TPH2: variants seen among roughly 807,000 people sequenced by gnomAD.
The protein encoded by TPH2 is tryptophan hydroxylase 2.
A neutral mutation model predicts 59.1 loss-of-function variants in TPH2; 27 were observed. The observed-to-expected ratio is 0.46, with a 90% confidence interval of 0.34 to 0.63. The LOEUF is 0.63. Among genes scored for constraint, TPH2 ranks in the 30% least tolerant of loss-of-function variants. TPH2 has a pLI of 0.01. For synonymous variants in TPH2, 220 were observed against 210.5 expected (o/e 1.05, Z -0.39); for missense variants, 523 against 588.3 (o/e 0.89, Z 1.15).
chr12:72,021,177 C>G (rs1191769626), intron 8 of TPH2, among the ~76,000 whole-genome samples: 1 of 151,930 alleles, frequency 6.6e-6, no homozygotes, highest in Non-Finnish European at 1.5e-5. Context: ...AAAAATAGTG[C>G]GAGTTCAGCC....
intron 8 of TPH2, among the ~76,000 whole-genome samples, chr12:72,021,090 C>G (rs115948281): frequency 0.021 from 3,195 of 152,262 alleles, 133 homozygotes; most frequent in African/African-American, 0.073. Flanking sequence ...AGTGCTCTAT[C>G]ATCATTAATG....
chr12:71,944,483 G>C lies in TPH2; in HGVS notation c.439+6G>C, dbSNP rs760814420. 1.9e-5 allele frequency: 31 copies of C among 1,613,800 alleles called. No individual in the cohort carries two copies. Among genetic ancestry groups the C allele is most frequent in the Non-Finnish European group, 2.5e-5 (29 of 1,179,876 alleles). ...CATTTGGACAGAGGAAGAAGGCAAG[G>C]GTGGTCTTAGCTTGTCGGGTAACTT... On this transcript the variant is annotated splice_donor_region_variant and intron_variant, in intron 3 of 10. Coordinates refer to ENST00000333850, the MANE Select transcript of TPH2 (RefSeq NM_173353.4).
At chr12:72,018,261 G>C (rs1050588815) in intron 8 of TPH2, among the ~76,000 whole-genome samples, 1 of 152,202 alleles carries the variant, frequency 6.6e-6, no homozygotes, top group Non-Finnish European at 1.5e-5. Flanking sequence ...GGGCCAGAGA[G>C]CATTCTAAGT....
chr12:71,986,165 T>G (rs565389799), intron 7 of TPH2, among the ~76,000 whole-genome samples: 1 of 152,328 alleles, frequency 6.6e-6, no homozygotes, highest in African/African-American at 2.4e-5. Context: ...CCAGTATGAC[T>G]GTCGGCAAGC....
intron 9 of TPH2, among the ~76,000 whole-genome samples, chr12:72,027,312 T>C (rs574764125): frequency 6.6e-6 from 1 of 152,172 alleles, no homozygotes; most frequent in Non-Finnish European, 1.5e-5. Context: ...AAAGTGTGAC[T>C]GAACACATAT....
At chr12:71,961,811 A>C (rs1349399565) in intron 5 of TPH2, 1 of 1,188,252 alleles carries the variant, frequency 8.4e-7, no homozygotes, top group African/African-American at 1.6e-5. Flanking sequence ...ACAAATAAAA[A>C]CAAATAATTT....
intron 6 of TPH2, among the ~76,000 whole-genome samples, chr12:71,973,696 GACTC>G (rs1378104840): frequency 6.6e-6 from 1 of 152,076 alleles, no homozygotes; most frequent in African/African-American, 2.4e-5. Context: ...TCACTTTACG[GACTC>G]ACTCACTTTG....
chr12:71,975,144 C>A (rs918828528), intron 6 of TPH2, among the ~76,000 whole-genome samples: 1 of 152,068 alleles, frequency 6.6e-6, no homozygotes, highest in East Asian at 1.9e-4. Context: ...GTCAGGAGTT[C>A]GAGACCAGCC....
intron 5 of TPH2, among the ~76,000 whole-genome samples, chr12:71,966,364 A>G (rs1014741593): frequency 6.6e-6 from 1 of 152,208 alleles, no homozygotes; most frequent in Non-Finnish European, 1.5e-5. Flanking sequence ...TTATACTTTA[A>G]GTTCTGAGAT....
chr12:71,960,424 A>G (rs1299324356), intron 5 of TPH2, among the ~76,000 whole-genome samples: 1 of 152,236 alleles, frequency 6.6e-6, no homozygotes, highest in Non-Finnish European at 1.5e-5. Flanking sequence ...TGTATTTGAA[A>G]TGCACAGTTC....
rs774894224 is a variant in TPH2, at chr12:71,944,462, T to C, written c.424T>C (p.Trp142Arg). ...GACGCTGAATCCTCCAGAGAACATTTGGACAGAGGAAGAAGGCAAGGGTGG... is the reference window on the plus strand; with the variant it reads ...GACGCTGAATCCTCCAGAGAACATTCGGACAGAGGAAGAAGGCAAGGGTGG... ...IVTLNPPENI[W>R]TEEEELEDVP... is the part of the protein sequence containing the mutation. The change falls in exon 3 of 11, where the codon TGG (tryptophan) becomes CGG (arginine). Residue 142 changes from tryptophan to arginine, a missense_variant. Transcript: ENST00000333850. 6.2e-7 allele frequency: 1 copy of C among 1,613,986 alleles called. No individual in the cohort carries two copies. The highest frequency in any genetic ancestry group is 8.5e-7 in the Non-Finnish European group (1 of 1,179,878).
At chr12:71,981,338 G>A (rs1482317749) in intron 7 of TPH2, among the ~76,000 whole-genome samples, 1 of 152,212 alleles carries the variant, frequency 6.6e-6, no homozygotes, top group Non-Finnish European at 1.5e-5. Flanking sequence ...TTTGGACTTA[G>A]TTCTGTAGGC....
intron 2 of TPH2, 128 bp downstream of exon 2, chr12:71,941,861 C>T: frequency 9.6e-7 from 1 of 1,036,884 alleles, no homozygotes; most frequent in Non-Finnish European, 1.5e-6. Context: ...AGGAACCAAA[C>T]TTCGTGAGGC....
At chr12:72,028,612 A>C (rs1873632806) in intron 9 of TPH2, among the ~76,000 whole-genome samples, 1 of 152,232 alleles carries the variant, frequency 6.6e-6, no homozygotes, top group Non-Finnish European at 1.5e-5. Context: ...TGTTGGCTTC[A>C]TTCACTGGCT....
chr12:72,019,024 CTTTA>C (rs1165695966), intron 8 of TPH2, among the ~76,000 whole-genome samples: 3 of 152,152 alleles, frequency 2.0e-5, no homozygotes, highest in Non-Finnish European at 2.9e-5. Context: ...AGCCTTTGTG[CTTTA>C]TTCTATGACT....
intron 5 of TPH2, among the ~76,000 whole-genome samples, chr12:71,950,788 G>A (rs1313072877): frequency 6.6e-6 from 1 of 152,134 alleles, no homozygotes; most frequent in Admixed American, 6.5e-5. Flanking sequence ...AACATTACGT[G>A]TGTTATAGAG....
intron 8 of TPH2, among the ~76,000 whole-genome samples, chr12:72,016,886 A>G (rs1004501310): frequency 6.6e-6 from 1 of 152,148 alleles, no homozygotes; most frequent in Non-Finnish European, 1.5e-5. Context: ...TAATTTATGA[A>G]CATTCAAGGA....
chr12:71,983,554 T>A (rs531909158), intron 7 of TPH2, among the ~76,000 whole-genome samples: 17 of 152,194 alleles, frequency 1.1e-4, no homozygotes, highest in African/African-American at 3.6e-4. Flanking sequence ...ATCTCCCTGA[T>A]CTCCTTTTTG....
Position 72,031,633 on chromosome 12 carries a change from C to T in TPH2, c.1411C>T (p.Arg471Cys), listed in dbSNP as rs150148746. The change falls in exon 11 of 11, where the codon CGC becomes TGC. Residue 471 changes from arginine (R) to cysteine (C), a missense_variant. By Grantham distance (180) the Arg-to-Cys change is radical. Transcript: ENST00000333850. ...TATTGAAAATGTGGTGCAGGACCTT[C>T]GCAGCGACTTGAATACAGTGTGTGA... ...RSIENVVQDL[R>C]SDLNTVCDAL... 36 of 1,613,494 alleles carry T rather than the reference C, an allele frequency of 2.2e-5. No individual in the cohort carries two copies. The South Asian group carries it at 2.7e-4, about 12-fold the overall frequency.
Sources: allele counts gnomAD v4.1 joint callset (sites outside exome capture counted in the v4.1 genomes callset), GRCh38; gene constraint gnomAD v4.1.1; transcripts MANE v1.5; gene names NCBI Gene and HGNC (gene_info 2026-07-23, HGNC 2026-07-21).